The following LOC128462377 variants were observed in gnomAD, a reference collection of about 807,000 sequenced individuals.
the LOC128462377 span, among the ~76,000 whole-genome samples, chr16:89,356,716 G>A: frequency 6.8e-6 from 1 of 147,578 alleles, no homozygotes; most frequent in Non-Finnish European, 1.5e-5. Context: ...GGGAGGCCGA[G>A]CTTGCAGTGA....
the LOC128462377 span, among the ~76,000 whole-genome samples, chr16:89,375,045 C>T: frequency 1.3e-5 from 2 of 152,176 alleles, no homozygotes; most frequent in East Asian, 3.9e-4. Flanking sequence ...TAAATACTTA[C>T]AGACTGTACA....
the LOC128462377 span, chr16:89,328,925 CTGAG>C: frequency 7.7e-6 from 1 of 130,074 alleles, no homozygotes; most frequent in Non-Finnish European, 1.6e-5. Context: ...GAGGCCCCTG[CTGAG>C]TGAGTGGACA....
At chr16:89,384,417 G>C in the LOC128462377 span, among the ~76,000 whole-genome samples, 1 of 152,060 alleles carries the variant, frequency 6.6e-6, no homozygotes, top group Non-Finnish European at 1.5e-5. Context: ...TGTAATCCCA[G>C]CTATGTGGGG....
the LOC128462377 span, among the ~76,000 whole-genome samples, chr16:89,351,137 C>T: frequency 4.6e-5 from 7 of 152,164 alleles, no homozygotes; most frequent in South Asian, 4.1e-4. Flanking sequence ...CGGGAGTGGA[C>T]GATGGCGGGC....
the LOC128462377 span, among the ~76,000 whole-genome samples, chr16:89,402,338 T>C: frequency 1.3e-5 from 2 of 152,060 alleles, no homozygotes; most frequent in Admixed American, 1.3e-4. Context: ...CTCCTAACCT[T>C]AGCCAGCCAC....
chr16:89,365,722 T>TA, the LOC128462377 span, among the ~76,000 whole-genome samples: 3 of 152,182 alleles, frequency 2.0e-5, no homozygotes, highest in Non-Finnish European at 4.4e-5. Flanking sequence ...ACGTTTTTTT[T>TA]AACTTTGTTT....
the LOC128462377 span, among the ~76,000 whole-genome samples, chr16:89,386,332 A>G: frequency 6.6e-6 from 1 of 152,004 alleles, no homozygotes; most frequent in Non-Finnish European, 1.5e-5. Flanking sequence ...CTCCCTTCTG[A>G]GGGCAGCACG....
the LOC128462377 span, among the ~76,000 whole-genome samples, chr16:89,386,988 C>A: frequency 6.6e-6 from 1 of 151,924 alleles, no homozygotes; most frequent in Non-Finnish European, 1.5e-5. Context: ...ACCCTGGGAG[C>A]CCTGTATCGA....
At chr16:89,320,169 T>G in the LOC128462377 span, 3 of 152,182 alleles carry the variant, frequency 2.0e-5, no homozygotes, top group East Asian at 5.8e-4. Flanking sequence ...CATAAAACAG[T>G]CCTTGAAGCT....
At chr16:89,332,923 G>A in the LOC128462377 span, among the ~76,000 whole-genome samples, 1 of 152,250 alleles carries the variant, frequency 6.6e-6, no homozygotes, top group Non-Finnish European at 1.5e-5. Flanking sequence ...TGAGAACGTA[G>A]TTACAAACTC....
chr16:89,380,322 A>G, the LOC128462377 span, among the ~76,000 whole-genome samples: 35 of 152,200 alleles, frequency 2.3e-4, no homozygotes, highest in Non-Finnish European at 7.4e-5. Flanking sequence ...ATGTTGGCCA[A>G]GCTGGTCTCA....
chr16:89,393,313 TA>T, the LOC128462377 span, among the ~76,000 whole-genome samples: 141 of 149,592 alleles, frequency 9.4e-4, no homozygotes, highest in South Asian at 4.4e-3. Context: ...TTTTTATTTT[TA>T]TTTTTTTTTT....
the LOC128462377 span, among the ~76,000 whole-genome samples, chr16:89,383,956 G>C: frequency 4.6e-5 from 7 of 152,224 alleles, no homozygotes; most frequent in Admixed American, 4.6e-4. Flanking sequence ...AAAGCATCTA[G>C]CAAGATAAAG....
the LOC128462377 span, among the ~76,000 whole-genome samples, chr16:89,388,706 C>T: frequency 6.6e-6 from 1 of 152,154 alleles, no homozygotes; most frequent in Middle Eastern, 3.2e-3. Flanking sequence ...AGGACGTCAT[C>T]CACACAAAGA....
chr16:89,375,109 C>T, the LOC128462377 span, among the ~76,000 whole-genome samples: 3 of 152,076 alleles, frequency 2.0e-5, no homozygotes, highest in Non-Finnish European at 4.4e-5. Context: ...CAGGCTCAAG[C>T]AGAAGTGTAT....
At chr16:89,402,539 G>C in the LOC128462377 span, among the ~76,000 whole-genome samples, 5 of 151,470 alleles carry the variant, frequency 3.3e-5, no homozygotes, top group African/African-American at 1.2e-4. Context: ...AAATTGCTGC[G>C]TATGGTGCCG....
chr16:89,406,477 T>C, the LOC128462377 span, among the ~76,000 whole-genome samples: 3 of 152,130 alleles, frequency 2.0e-5, no homozygotes, highest in African/African-American at 4.8e-5. Context: ...GGAGCCACCG[T>C]GCACCGTGAC....
At chr16:89,318,810 G>T in the LOC128462377 span, among the ~76,000 whole-genome samples, 1 of 152,212 alleles carries the variant, frequency 6.6e-6, no homozygotes, top group Non-Finnish European at 1.5e-5. Context: ...GACAGGTCGG[G>T]TCAACGTATT....
the LOC128462377 span, among the ~76,000 whole-genome samples, chr16:89,416,178 G>A: frequency 4.9e-4 from 74 of 152,270 alleles, no homozygotes; most frequent in East Asian, 7.5e-3. Flanking sequence ...CTAAGTATCA[G>A]TACATCTATT....
Sources: allele counts gnomAD v4.1 joint callset (sites outside exome capture counted in the v4.1 genomes callset), GRCh38; gene constraint gnomAD v4.1.1; transcripts MANE v1.5.